The following CHST15 variants were observed in gnomAD, a reference collection of about 807,000 sequenced individuals.
CHST15 encodes the protein carbohydrate sulfotransferase 15.
Under a neutral mutation model 53.6 loss-of-function variants are expected in CHST15, and 30 were observed. The observed-to-expected ratio is 0.56, with a 90% CI of 0.42 to 0.76. CHST15 has a LOEUF of 0.76. Ranked by LOEUF, CHST15 falls within the 30% of genes least tolerant of loss-of-function variation. The probability of loss-of-function intolerance (pLI) is 0.00; values close to 1 mark genes in which losing one functional copy is unlikely to be tolerated. For synonymous variants in CHST15, 296 were observed against 289.8 expected (o/e 1.02, Z -0.22); for missense variants, 627 against 740.5 (o/e 0.85, Z 1.78).
rs868468791 is a variant in CHST15 at position 124,074,883 on chromosome 10, T to C, written c.-513+18586A>G. ...TTTTGAATGCGGCTGTGCTAGGCAGTGGGGTGCAGTGTGTGGACAAGACAG... is the reference window on the plus strand; with the variant it reads ...TTTTGAATGCGGCTGTGCTAGGCAGCGGGGTGCAGTGTGTGGACAAGACAG... On this transcript the variant is annotated intron_variant, in intron 1 of 7. Transcript: ENST00000435907. This position sits in a 1 kb window ranked among gnomAD's most constrained non-coding sequence, Gnocchi z 4.4. Among the ~76,000 whole-genome samples, 3 of 152,192 alleles carry C rather than the reference T, an allele frequency of 2.0e-5. No homozygotes were observed. Among genetic ancestry groups the C allele is most frequent in the African/African-American group, 4.8e-5 (2 of 41,452 alleles).
chr10:124,057,972 C>A (rs1590297569), intron 1 of CHST15, among the ~76,000 whole-genome samples: 1 of 48,704 alleles, frequency 2.1e-5, no homozygotes, highest in South Asian at 8.9e-4. Context: ...CTGCAGTTCT[C>A]CCCCCCAATG....
chr10:124,045,112 C>CAAAAAAAAAAAA lies in CHST15; in HGVS notation c.547-205_547-194dup, dbSNP rs758243657. ...TGCTTTCCTCTCCCCCGCCGCCCCA[C>CAAAAAAAAAAAA]AAAAAAAAAAAAAAAAAAAAAAAAA... On this transcript the variant is annotated intron_variant, in intron 2 of 7. Transcript: ENST00000435907. 5.1e-3 allele frequency among the ~76,000 whole-genome samples: 173 copies of CAAAAAAAAAAAA among 33,726 alleles called. 4 individuals carry two copies. Among genetic ancestry groups the CAAAAAAAAAAAA allele is most frequent in the Non-Finnish European group, 8.8e-3 (128 of 14,566 alleles). The allele number at this position is 33,726 out of a possible 152,430, so 22.1% of individuals were successfully genotyped here.
At chr10:124,050,167 G>A (rs763076633) in intron 1 of CHST15, among the ~76,000 whole-genome samples, 3 of 152,170 alleles carry the variant, frequency 2.0e-5, no homozygotes, top group Non-Finnish European at 4.4e-5. Flanking sequence ...TGAAGACCAG[G>A]TGAGTCCCTT....
intron 1 of CHST15, among the ~76,000 whole-genome samples, chr10:124,052,598 G>A (rs1948236426): frequency 6.6e-6 from 1 of 152,216 alleles, no homozygotes; most frequent in Admixed American, 6.5e-5. Flanking sequence ...GCTGGAGCCA[G>A]GTTGCCCAGG....
intron 5 of CHST15, among the ~76,000 whole-genome samples, chr10:124,022,630 C>A (rs1012900444): frequency 6.6e-6 from 1 of 151,918 alleles, no homozygotes; most frequent in Non-Finnish European, 1.5e-5. Flanking sequence ...GTTAACTGAC[C>A]ACCCTTCTTA....
intron 7 of CHST15, chr10:124,010,860 G>A (rs1218280203): frequency 1.0e-6 from 1 of 985,340 alleles, no homozygotes; most frequent in Non-Finnish European, 1.2e-6. Flanking sequence ...GGAGGGCTGG[G>A]AGGAGGCCAC....
rs575378118 is a variant in CHST15 at position 124,026,386 on chromosome 10, G to GA, written c.1191-4975dup. Among the ~76,000 whole-genome samples, 14 of 152,284 alleles carry GA rather than the reference G, an allele frequency of 9.2e-5. No homozygotes were observed. In the East Asian group the frequency reaches 1.5e-3, roughly 17 times the overall value. ...AGTGAGTTAATAATCTTGGGTGGGG[G>GA]AAAGCCACTCGGATAGGTTAAAGCC... is the stretch of plus-strand genomic sequence containing the variant. On this transcript the variant is annotated intron_variant, in intron 5 of 7. Transcript: ENST00000435907.
intron 1 of CHST15, among the ~76,000 whole-genome samples, chr10:124,056,015 C>A (rs1400115994): frequency 6.6e-6 from 1 of 152,162 alleles, no homozygotes; most frequent in African/African-American, 2.4e-5. Flanking sequence ...ATCCAGCCTG[C>A]CTTTTATAGA....
At position 124,034,806 on chromosome 10, in the gene CHST15, G is replaced by T. The variant is rs541338124; in HGVS notation, c.1190+3709C>A. Among the ~76,000 whole-genome samples the T allele has an allele frequency of 2.4e-4, 28 of 114,296 alleles. 1 individual carries two copies. In the East Asian group the frequency reaches 6.9e-3, roughly 28 times the overall value. The allele number at this position is 114,296 out of a possible 152,430, so 75.0% of individuals were successfully genotyped here. ...CAGGGACGCCGGCTCCGCCCCTAAC[G>T]GGGACCCCGGCTCCGCCCCCTAACG... On this transcript the variant is annotated intron_variant, in intron 5 of 7. Coordinates refer to ENST00000435907, the MANE Select transcript of CHST15 (RefSeq NM_001270764.2).
Position 124,022,834 on chromosome 10 carries a change from TGAGACAGAGTTTCA to T in CHST15, c.1191-1436_1191-1423del, listed in dbSNP as rs1163340889. Among the ~76,000 whole-genome samples, 509 of 146,324 alleles carry T rather than the reference TGAGACAGAGTTTCA, an allele frequency of 3.5e-3. 4 individuals are homozygous for T. The highest frequency in any genetic ancestry group is 0.013 in the African/African-American group (492 of 38,550). ...TTCTTTTTTTTTTTTTTTTTTTTTT[TGAGACAGAGTTTCA>T]CTCTGTCCCCCAGGCTGGAGTACAG... On this transcript the variant is annotated intron_variant, in intron 5 of 7. Coordinates refer to ENST00000435907, the MANE Select transcript of CHST15 (RefSeq NM_001270764.2).
At chr10:124,020,153 G>A in intron 6 of CHST15, 1 of 985,512 alleles carries the variant, frequency 1.0e-6, no homozygotes, top group Non-Finnish European at 1.2e-6. Context: ...GGGACATAGT[G>A]GCAAGAATGA....
intron 5 of CHST15, among the ~76,000 whole-genome samples, chr10:124,037,672 A>G (rs1404789223): frequency 6.6e-6 from 1 of 152,216 alleles, no homozygotes; most frequent in East Asian, 1.9e-4. Context: ...AGGCCGCCCC[A>G]TAGTGGCTGT....
rs748384908 is a variant in CHST15 at position 124,045,943 on chromosome 10, G to A, written c.270C>T (p.Thr90=). The change falls in exon 2 of 8, where the codon ACC becomes ACT. Residue 90 remains threonine, a synonymous_variant. Coordinates refer to ENST00000435907, the MANE Select transcript of CHST15 (RefSeq NM_001270764.2). ...CSLVFGLIIM[T]LVMASYILSG... ...AAAGGATGTAAGAAGCCATTACCAA[G>A]GTCATTATTATCAGTCCAAAAACGA... 2 of 1,614,040 alleles carry A rather than the reference G, an allele frequency of 1.2e-6. No individual in the cohort carries two copies. The highest frequency in any genetic ancestry group is 1.7e-5 in the Admixed American group (1 of 60,016).
chr10:124,019,801 C>A lies in CHST15; in HGVS notation c.1347+1455G>T, dbSNP rs76460523. 3,915 of 985,504 alleles carry A rather than the reference C, an allele frequency of 4.0e-3. 98 individuals are homozygous for A. The African/African-American group carries it at 0.059, about 15-fold the overall frequency. The allele number at this position is 985,504 out of a possible 1,614,324, so 61.0% of individuals were successfully genotyped here. On this transcript the variant is annotated intron_variant, in intron 6 of 7. Coordinates refer to ENST00000435907, the MANE Select transcript of CHST15 (RefSeq NM_001270764.2). The surrounding 1 kb of genome is among the most constrained non-coding windows in gnomAD (Gnocchi z 4.6). ...GGTGATGTCTAGACTTCTTCTGAGGCTAGACCAGGTGGTGCGGCCCCATGT... is the reference window on the plus strand; with the variant it reads ...GGTGATGTCTAGACTTCTTCTGAGGATAGACCAGGTGGTGCGGCCCCATGT...
In CHST15 at chr10:124,037,906, C is replaced by T. The variant is rs527568702; in HGVS notation, c.1190+609G>A. On this transcript the variant is annotated intron_variant, in intron 5 of 7. Coordinates refer to ENST00000435907, the MANE Select transcript of CHST15 (RefSeq NM_001270764.2). ...CACCCCTGATTCTAAGGGTGTTTCC[C>T]TCGCCTTGACAGTACCAAGGAACCG... is the stretch of plus-strand genomic sequence containing the variant. 5.9e-5 allele frequency among the ~76,000 whole-genome samples: 9 copies of T among 152,256 alleles called. No homozygotes were observed. In the South Asian group the frequency reaches 1.9e-3, roughly 32 times the overall value.
chr10:124,035,904 C>G (rs1046498349), intron 5 of CHST15, among the ~76,000 whole-genome samples: 1 of 152,228 alleles, frequency 6.6e-6, no homozygotes, highest in Non-Finnish European at 1.5e-5. Context: ...CACGTCCCCA[C>G]TGGGAGCTCC....
chr10:124,043,221 C>T (rs867428778), intron 3 of CHST15, among the ~76,000 whole-genome samples: 2 of 152,122 alleles, frequency 1.3e-5, no homozygotes, highest in Non-Finnish European at 2.9e-5. Context: ...TCCAGAGGCC[C>T]GCCTCTGTTC....
rs187406659 is a variant in CHST15, at chr10:124,036,118, C to T, written c.1190+2397G>A. The stretch of plus-strand genomic sequence containing the variant: ...ATTTGATGAGCACACCGAGCACTTG[C>T]GCCCTTCAGCTGGGGGCCGTGTCGG... On this transcript the variant is annotated intron_variant, in intron 5 of 7. Transcript: ENST00000435907. The surrounding 1 kb of genome is among the most constrained non-coding windows in gnomAD (Gnocchi z 5.1). Among the ~76,000 whole-genome samples, 60 of 152,332 alleles carry T rather than the reference C, an allele frequency of 3.9e-4. No individual in the cohort carries two copies. The highest frequency in any genetic ancestry group is 1.3e-3 in the African/African-American group (54 of 41,582).
intron 1 of CHST15, among the ~76,000 whole-genome samples, chr10:124,084,171 C>T (rs1325231890): frequency 6.6e-6 from 1 of 152,128 alleles, no homozygotes; most frequent in East Asian, 1.9e-4. Flanking sequence ...AGGAGCTGAC[C>T]CTCCCAAGGG....
Sources: gnomAD v4.1 joint callset for allele counts (sites outside exome capture counted in the v4.1 genomes callset) on GRCh38, gnomAD v4.1.1 for gene constraint, Gnocchi (gnomAD v3.1) non-coding constraint, MANE v1.5 for transcripts, NCBI Gene and HGNC (gene_info 2026-07-23, HGNC 2026-07-21) for gene names.